EFCAB13: variants seen among roughly 807,000 people sequenced by gnomAD.
The protein encoded by EFCAB13 is EF-hand calcium-binding domain-containing protein 13.
A neutral mutation model predicts 110.2 loss-of-function variants in EFCAB13; 91 were observed. The observed-to-expected ratio is 0.83, with a 90% CI of 0.70 to 0.98. The LOEUF is 0.98. Among genes scored for constraint, EFCAB13 ranks in the 50% least tolerant of loss-of-function variants. The pLI is 0.00. For missense variants in EFCAB13, 968 were observed against 1,119.4 expected, an observed-to-expected ratio of 0.86 and a Z score of 1.93; for synonymous variants, 323 against 369.9, an observed-to-expected ratio of 0.87 and a Z score of 1.45.
At chr17:47,375,020 A>G in intron 12 of EFCAB13, 54 bp downstream of exon 12, 1 of 1,485,928 alleles carries the variant, frequency 6.7e-7, no homozygotes, top group Non-Finnish European at 8.9e-7. Context: ...AATGAACAGA[A>G]TGAATCAATT....
At chr17:47,405,604 TTG>T (rs2065801074) in intron 20 of EFCAB13, among the ~76,000 whole-genome samples, 1 of 152,036 alleles carries the variant, frequency 6.6e-6, no homozygotes, top group African/African-American at 2.4e-5. Context: ...TTAAATTGTA[TTG>T]AGGTTAAAAT....
intron 13 of EFCAB13, among the ~76,000 whole-genome samples, chr17:47,378,332 G>A (rs1179859073): frequency 6.6e-6 from 1 of 152,166 alleles, no homozygotes; most frequent in Non-Finnish European, 1.5e-5. Flanking sequence ...ATGCTTAGCA[G>A]TTAACATTTA....
rs1905120077 is a variant in EFCAB13 at position 47,431,793 on chromosome 17, AT to A, written c.2638+1839del. On this transcript the variant is annotated intron_variant, in intron 24 of 24. Transcript: ENST00000331493. The surrounding 1 kb of genome is among the most constrained non-coding windows in gnomAD (Gnocchi z 4.1). ...AGATCAGATTTATTGTCAAATTCAA[AT>A]TTTTTTATATTCTTACTGATGTTTT... is the stretch of plus-strand genomic sequence containing the variant. Among the ~76,000 whole-genome samples, 1 of 152,114 alleles carries A rather than the reference AT, an allele frequency of 6.6e-6. No homozygotes were observed.
At chr17:47,355,443 G>A (rs1216242281) in intron 9 of EFCAB13, among the ~76,000 whole-genome samples, 2 of 152,042 alleles carry the variant, frequency 1.3e-5, no homozygotes. Flanking sequence ...GGCTGGGGAA[G>A]TTTCTCTCGA....
intron 23 of EFCAB13, among the ~76,000 whole-genome samples, chr17:47,423,877 G>A (rs1045192845): frequency 2.0e-5 from 3 of 151,986 alleles, no homozygotes; most frequent in African/African-American, 4.8e-5. Context: ...TGCTACTGCC[G>A]CCGCCCACCC....
intron 9 of EFCAB13, among the ~76,000 whole-genome samples, chr17:47,361,137 C>T (rs2065510210): frequency 6.6e-6 from 1 of 152,122 alleles, no homozygotes; most frequent in South Asian, 2.1e-4. Flanking sequence ...CTTTTCAATT[C>T]ATTTTATGTG....
intron 9 of EFCAB13, among the ~76,000 whole-genome samples, chr17:47,348,691 A>G (rs893937539): frequency 3.3e-5 from 5 of 152,084 alleles, no homozygotes; most frequent in African/African-American, 1.2e-4. Flanking sequence ...CATTTCCTGA[A>G]TGATTAAATA....
chr17:47,334,741 C>T (rs2065339231), intron 4 of EFCAB13, among the ~76,000 whole-genome samples: 1 of 151,924 alleles, frequency 6.6e-6, no homozygotes, highest in Non-Finnish European at 1.5e-5. Flanking sequence ...TGTAGGGAGA[C>T]CTCGTCTCTA....
rs1598731841 is a variant in EFCAB13 at position 47,358,546 on chromosome 17, T to C, written c.662-2832T>C. Among the ~76,000 whole-genome samples, 3 of 152,342 alleles carry C rather than the reference T, an allele frequency of 2.0e-5. No homozygotes were observed. The East Asian group carries it at 5.8e-4, about 29-fold the overall frequency. Reference sequence around the variant, plus strand: ...TTCATCTCATTGATTTGTAGGAGTTTTCATATTCTGGCTATTAATCCTTTG... The same window carrying C: ...TTCATCTCATTGATTTGTAGGAGTTCTCATATTCTGGCTATTAATCCTTTG... On this transcript the variant is annotated intron_variant, in intron 9 of 24. Coordinates refer to ENST00000331493, the MANE Select transcript of EFCAB13 (RefSeq NM_152347.5).
intron 23 of EFCAB13, among the ~76,000 whole-genome samples, chr17:47,416,121 A>G (rs1268008365): frequency 1.3e-5 from 2 of 152,180 alleles, no homozygotes; most frequent in Non-Finnish European, 2.9e-5. Context: ...TAGCTTTTAG[A>G]ATTGAGACAT....
chr17:47,429,713 A>T (rs1023415550), intron 23 of EFCAB13, 105 bp from the exon 24 acceptor site: 11 of 1,351,098 alleles, frequency 8.1e-6, no homozygotes, highest in Non-Finnish European at 1.1e-5. Flanking sequence ...ACAATTCTAG[A>T]ATCAGATCTT....
chr17:47,339,251 A>G (rs2065369828), intron 5 of EFCAB13, among the ~76,000 whole-genome samples: 1 of 152,170 alleles, frequency 6.6e-6, no homozygotes, highest in African/African-American at 2.4e-5. Flanking sequence ...AATGTAATTC[A>G]TAATTACATT....
chr17:47,438,672 C>T (rs1053110747), intron 24 of EFCAB13, among the ~76,000 whole-genome samples: 2 of 151,850 alleles, frequency 1.3e-5, no homozygotes. Flanking sequence ...TCTTTATTCC[C>T]TTGACTATTT....
intron 23 of EFCAB13, 58 bp from the exon 24 acceptor site, chr17:47,429,760 T>A: frequency 1.3e-6 from 2 of 1,506,368 alleles, no homozygotes; most frequent in Non-Finnish European, 1.8e-6. Context: ...AAGTGATAAC[T>A]AATAACATAT....
At chr17:47,387,994 A>G (rs1159668367) in intron 14 of EFCAB13, among the ~76,000 whole-genome samples, 2 of 152,202 alleles carry the variant, frequency 1.3e-5, no homozygotes, top group Admixed American at 6.5e-5. Flanking sequence ...AAGGCTGTCT[A>G]TAGGTTCATG....
Position 47,374,657 on chromosome 17 carries a change from C to A in EFCAB13, c.1063C>A (p.Leu355Ile). ...TAGCAAAATTATGGAGAATGATGACCTTGAATCTAAAAGACCAAAAAATAC... is the reference window on the plus strand; with the variant it reads ...TAGCAAAATTATGGAGAATGATGACATTGAATCTAAAAGACCAAAAAATAC... ...YYSKIMENDD[L>I]ESKRPKNTWQ... Residue 355 changes from leucine to isoleucine, a missense_variant, in exon 12 of 25, where the codon CTT becomes ATT. By Grantham distance (5) the Leu-to-Ile change is conservative. Coordinates refer to ENST00000331493, the MANE Select transcript of EFCAB13 (RefSeq NM_152347.5). 1 of 1,609,736 alleles carries A rather than the reference C, an allele frequency of 6.2e-7. No individual in the cohort carries two copies. The highest frequency in any genetic ancestry group is 1.1e-5 in the South Asian group (1 of 89,648).
chr17:47,359,364 G>C (rs1210866596), intron 9 of EFCAB13, among the ~76,000 whole-genome samples: 1 of 151,904 alleles, frequency 6.6e-6, no homozygotes, highest in Non-Finnish European at 1.5e-5. Context: ...TTAAAAAAAA[G>C]ACTAATCGAA....
At chr17:47,409,546 G>C in intron 20 of EFCAB13, 101 bp from the exon 21 acceptor site, 1 of 882,084 alleles carries the variant, frequency 1.1e-6, no homozygotes, top group South Asian at 1.6e-5. Flanking sequence ...ATAAATGTTA[G>C]TGGGAAAAGA....
At chr17:47,440,278 T>A (rs1224251251) in intron 24 of EFCAB13, among the ~76,000 whole-genome samples, 153 bp from the exon 25 acceptor site, 1 of 152,158 alleles carries the variant, frequency 6.6e-6, no homozygotes, top group African/African-American at 2.4e-5. Flanking sequence ...AAATTGATAA[T>A]CATATGCATG....
Sources: allele counts gnomAD v4.1 joint callset (sites outside exome capture counted in the v4.1 genomes callset), GRCh38; gene constraint gnomAD v4.1.1; non-coding constraint Gnocchi (gnomAD v3.1); transcripts MANE v1.5; gene names NCBI Gene and HGNC (gene_info 2026-07-23, HGNC 2026-07-21).